Variants in MST1 observed in about 807,000 individuals in gnomAD.
MST1 encodes the protein macrophage stimulating 1, also known as hepatocyte growth factor-like protein.
Under a neutral mutation model 100.1 loss-of-function variants are expected in MST1, and 76 were observed. That is an observed-to-expected ratio of 0.76 (90% CI 0.63 to 0.92). The LOEUF is 0.92. MST1 is among the 40% of genes least tolerant of loss of function. The pLI is 0.00. For missense variants in MST1, 850 were observed against 990.0 expected (o/e 0.86, Z 1.90); for synonymous variants, 352 against 385.4 (o/e 0.91, Z 1.01).
In MST1 at chr3:49,684,809, T is replaced by C; in HGVS notation, c.1698A>G (p.Leu566=). Residue 566 remains leucine (L), a synonymous_variant, in exon 15 of 18, where the codon CTA becomes CTG. Coordinates refer to ENST00000449682, the MANE Select transcript of MST1 (RefSeq NM_020998.4). ...CCATCTTGGCTACTGGGACCCGCTG[T>C]AGGCTTGGCTCTCCATGCTGTGGGT... ...FQNPQHGEPS[L]QRVPVAKMVC... is the part of the protein sequence containing the mutation. 6.2e-7 allele frequency: 1 copy of C among 1,613,498 alleles called. No homozygotes were observed. Among genetic ancestry groups the C allele is most frequent in the Non-Finnish European group, 8.5e-7 (1 of 1,179,870 alleles).
Position 49,685,937 on chromosome 3 carries a change from C to G in MST1, c.1173G>C (p.Gln391His), listed in dbSNP as rs1192066012. 1.2e-6 allele frequency: 2 copies of G among 1,609,794 alleles called. No individual in the cohort carries two copies. Among genetic ancestry groups the G allele is most frequent in the Non-Finnish European group, 1.7e-6 (2 of 1,179,348 alleles). Residue 391 changes from glutamine to histidine, a missense_variant, in exon 10 of 18, where the codon CAG becomes CAC. Gln to His is a conservative substitution (Grantham distance 24). Coordinates refer to ENST00000449682, the MANE Select transcript of MST1 (RefSeq NM_020998.4). ...PQDCYHGAGE[Q>H]YRGTVSKTRK... Reference sequence around the variant, plus strand: ...GGGTCTTGCTGACCGTGCCGCGGTACTGCTCCCCTGCGCCGTGGTAGCAGT... The same window carrying G: ...GGGTCTTGCTGACCGTGCCGCGGTAGTGCTCCCCTGCGCCGTGGTAGCAGT...
In MST1 at chr3:49,684,174, G is replaced by A. The variant is rs143118019; in HGVS notation, c.2032C>T (p.Pro678Ser). 6.2e-7 allele frequency: 1 copy of A among 1,612,602 alleles called. No homozygotes were observed. Among genetic ancestry groups the A allele is most frequent in the African/African-American group, 1.3e-5 (1 of 74,890 alleles). The part of the protein sequence containing the change: ...VGACEGDYGG[P>S]LACFTHNCWV... ...CAGTTGTGGGTAAAGCAGGCAAGTGGGCCCCCGTAGTCACCCTGGCAGGTA... is the reference window on the plus strand; with the variant it reads ...CAGTTGTGGGTAAAGCAGGCAAGTGAGCCCCCGTAGTCACCCTGGCAGGTA... The change falls in exon 18 of 18, where the codon CCA becomes TCA. Residue 678 changes from proline to serine, a missense_variant. Transcript: ENST00000449682.
intron 10 of MST1, 33 bp from the exon 11 acceptor site, chr3:49,685,765 G>A (rs766265616): frequency 2.5e-6 from 4 of 1,612,876 alleles, no homozygotes; most frequent in African/African-American, 1.3e-5. Flanking sequence ...TCGTGGCAGG[G>A]TAGTCTCAAC....
Position 49,687,280 on chromosome 3 carries a change from G to A in MST1, c.476C>T (p.Thr159Met), listed in dbSNP as rs41291708. The A allele has an allele frequency of 1.3e-5, 21 of 1,613,432 alleles. No individual in the cohort carries two copies. Among genetic ancestry groups the A allele is most frequent in the Non-Finnish European group, 1.6e-5 (19 of 1,179,884 alleles). Residue 159 changes from threonine to methionine, a missense_variant, in exon 5 of 18, where the codon ACG becomes ATG. By Grantham distance (81) the Thr-to-Met change is moderately conservative. Around this residue, in one of 2 missense-constraint regions of MST1, gnomAD observed 816 missense variants for 924.6 expected, o/e 0.88. Transcript: ENST00000449682. ...TTCCAGGCCATTCCGGAGAGTGGGC[G>A]TGTACCTGAGGGCCCAGAGCATCAC... Reference protein sequence around the residue: ...SHKFPNDHKYTPTLRNGLEEN... With the variant: ...SHKFPNDHKYMPTLRNGLEEN...
rs1253363769 is a variant in MST1, at chr3:49,684,533, G to A, written c.1876+17C>T. 6.2e-7 allele frequency: 1 copy of A among 1,613,542 alleles called. No individual in the cohort carries two copies. Among genetic ancestry groups the A allele is most frequent in the African/African-American group, 1.3e-5 (1 of 74,934 alleles). Reference sequence around the variant, plus strand: ...GGGCCTCCTGGCCACCAGCAGTCCTGTGCACTGTGCTCTTACCTTTGGTCT... The same window carrying A: ...GGGCCTCCTGGCCACCAGCAGTCCTATGCACTGTGCTCTTACCTTTGGTCT... On this transcript the variant is annotated intron_variant, in intron 16 of 17. Coordinates refer to ENST00000449682, the MANE Select transcript of MST1 (RefSeq NM_020998.4).
rs370292979 is a variant in MST1 at position 49,688,693 on chromosome 3, C to T, written c.-2G>A. 1.1e-5 allele frequency: 17 copies of T among 1,599,646 alleles called. No individual in the cohort carries two copies. The highest frequency in any genetic ancestry group is 1.7e-4 in the Middle Eastern group (1 of 5,824). ...CACTGTGACCCACCACAGCCCCATC[C>T]GGGAAGTTGTGAAACCTGTCCCTAC... On this transcript the variant is annotated 5_prime_UTR_variant, in exon 1 of 18. Transcript: ENST00000449682.
intron 9 of MST1, 24 bp from the exon 10 acceptor site, chr3:49,685,986 C>CAGGCCG (rs1312043038): frequency 5.6e-6 from 9 of 1,603,694 alleles, no homozygotes; most frequent in Middle Eastern, 2.2e-4. Context: ...GGGCAGCCAT[C>CAGGCCG]AGGCCGAGAC....
At chr3:49,688,018 T>A (rs1346101839) in intron 1 of MST1, 121 bp from the exon 2 acceptor site, 4 of 1,386,306 alleles carry the variant, frequency 2.9e-6, no homozygotes, top group Non-Finnish European at 2.9e-6. Flanking sequence ...GGATGGACCC[T>A]GTATGCACTT....
In MST1 at chr3:49,688,841, G is replaced by A; in HGVS notation, c.-150C>T. On this transcript the variant is annotated 5_prime_UTR_variant, in exon 1 of 18. Transcript: ENST00000449682. The stretch of plus-strand genomic sequence containing the variant: ...CCCATAGGTCAGTTGCAAGGGCCTA[G>A]TACAGCTTAGTGGACAGGTGTTAGG... The A allele has an allele frequency of 3.4e-6, 2 of 592,662 alleles. No homozygotes were observed. The highest frequency in any genetic ancestry group is 6.1e-6 in the Non-Finnish European group (2 of 330,238). The allele number at this position is 592,662 out of a possible 1,614,324, so 36.7% of individuals were successfully genotyped here. A position where few individuals can be genotyped will look rare whatever the true frequency, so the allele number is the denominator to read the frequency against.
At chr3:49,687,515 G>A (rs2053877384) in intron 3 of MST1, 37 bp from the exon 4 acceptor site, 20 of 1,613,416 alleles carry the variant, frequency 1.2e-5, no homozygotes, top group Non-Finnish European at 1.5e-5. Flanking sequence ...TTGGGCTGAG[G>A]TCCCCTGTCT....
In MST1 at chr3:49,685,687, G is replaced by A. The variant is rs1346263688; in HGVS notation, c.1296C>T (p.Phe432=). 1.9e-6 allele frequency: 3 copies of A among 1,613,466 alleles called. No homozygotes were observed. Among genetic ancestry groups the A allele is most frequent in the Non-Finnish European group, 2.5e-6 (3 of 1,179,858 alleles). The part of the protein sequence containing the change: ...SEPHAQLEEN[F]CRNPDGDSHG... ...GGCTATCCCCATCTGGGTTCCGGCAGAAGTTCTCCTCCAGTTGTGCATGCG... is the reference window on the plus strand; with the variant it reads ...GGCTATCCCCATCTGGGTTCCGGCAAAAGTTCTCCTCCAGTTGTGCATGCG... The change falls in exon 11 of 18, where the codon TTC becomes TTT. Residue 432 remains phenylalanine (F), a synonymous_variant. Coordinates refer to ENST00000449682, the MANE Select transcript of MST1 (RefSeq NM_020998.4).
rs138629762 is a variant in MST1, at chr3:49,684,376, C to G, written c.1954G>C (p.Gly652Arg). The change falls in exon 17 of 18, where the codon GGA becomes CGA. Residue 652 changes from glycine to arginine, a missense_variant. Gly to Arg is a moderately radical substitution (Grantham distance 125). Transcript: ENST00000449682. ...CACATCTCACTCTCCCGCACACGTC[C>G]TCGGTGCTTGATGTTACACTCCTGG... ...SNQECNIKHRGRVRESEMCTE... is the reference protein window; with the variant it reads ...SNQECNIKHRRRVRESEMCTE... 1.2e-6 allele frequency: 2 copies of G among 1,613,218 alleles called. No individual in the cohort carries two copies. The highest frequency in any genetic ancestry group is 2.7e-5 in the African/African-American group (2 of 74,924).
Position 49,686,093 on chromosome 3 carries a change from G to A in MST1, c.1116C>T (p.Ile372=), listed in dbSNP as rs200428217. ...PGMRAAFCYQ[I]RRCTDDVRPQ... ...GCCGCACGTCGTCTGTACAACGCCG[G>A]ATCTGGTAGCAAAAGGCCGCGCGCA... The change falls in exon 9 of 18, where the codon ATC becomes ATT. Residue 372 remains isoleucine, a synonymous_variant. Coordinates refer to ENST00000449682, the MANE Select transcript of MST1 (RefSeq NM_020998.4). The A allele has an allele frequency of 6.2e-7, 1 of 1,610,416 alleles. No homozygotes were observed. Among genetic ancestry groups the A allele is most frequent in the African/African-American group, 1.3e-5 (1 of 74,752 alleles).
rs1409390985 is a variant in MST1, at chr3:49,684,116, C to T, written c.2090G>A (p.Arg697Gln). The change falls in exon 18 of 18, where the codon CGA becomes CAA. Residue 697 changes from arginine to glutamine, a missense_variant. Arg to Gln is a conservative substitution (Grantham distance 43, BLOSUM62 1). Transcript: ENST00000449682. ...TGGCCAGCGGGACCTTGCGCATACTCGGTTGGGGATTATAATTCCTTCCAG... is the reference window on the plus strand; with the variant it reads ...TGGCCAGCGGGACCTTGCGCATACTTGGTTGGGGATTATAATTCCTTCCAG... Reference protein sequence around the residue: ...WVLEGIIIPNRVCARSRWPAV... With the variant: ...WVLEGIIIPNQVCARSRWPAV... 22 of 1,613,530 alleles carry T rather than the reference C, an allele frequency of 1.4e-5. No individual in the cohort carries two copies. The East Asian group carries it at 2.7e-4, about 20-fold the overall frequency.
At position 49,688,918 on chromosome 3, in the gene MST1, T is replaced by TG. The variant is rs1268415101; in HGVS notation, c.-228dup. 2.3e-6 allele frequency: 1 copy of TG among 427,574 alleles called. No individual in the cohort carries two copies. Among genetic ancestry groups the TG allele is most frequent in the Non-Finnish European group, 4.3e-6 (1 of 233,048 alleles). The allele number at this position is 427,574 out of a possible 1,614,324, so 26.5% of individuals were successfully genotyped here. The stretch of plus-strand genomic sequence containing the variant: ...CCCTGGGGTTGGGGTGAAACCCCTC[T>TG]GCAGCCTAGTCAGCCCAAGGGCATT... On this transcript the variant is annotated 5_prime_UTR_variant, in exon 1 of 18. Transcript: ENST00000449682.
At position 49,687,149 on chromosome 3, in the gene MST1, C is replaced by G. The variant is rs779406343; in HGVS notation, c.607G>C (p.Ala203Pro). Residue 203 changes from alanine to proline, a missense_variant and splice_region_variant, in exon 5 of 18, where the codon GCC becomes CCC. Around this residue, in one of 2 missense-constraint regions of MST1, gnomAD observed 816 missense variants for 924.6 expected, o/e 0.88. Transcript: ENST00000449682. Reference sequence around the variant, plus strand: ...CCCAGCTTGACCCGGCGCCGCTTACCCTCCCGGCAGGATTTGATGCCGCAG... The same window carrying G: ...CCCAGCTTGACCCGGCGCCGCTTACGCTCCCGGCAGGATTTGATGCCGCAG... ...QSCGIKSCREAACVWCNGEEY... is the reference protein window; with the variant it reads ...QSCGIKSCREPACVWCNGEEY... 1.4e-5 allele frequency: 23 copies of G among 1,613,142 alleles called. No homozygotes were observed. The African/African-American group carries it at 2.7e-4, about 19-fold the overall frequency.
rs567957911 is a variant in MST1 at position 49,685,605 on chromosome 3, G to A, written c.1378C>T (p.Arg460Ter). Residue 460 changes from arginine (R) to a stop codon, truncating the protein, a stop_gained, in exon 11 of 18, where the codon CGA (arginine) becomes TGA (stop). Transcript: ENST00000449682. LOFTEE classifies it high-confidence loss of function. ...CGTCACTAGTGCTCACCGCAGCGTC[G>A]CAGGGCACAGTAGTCGAATGGGGTC... ...PRTPFDYCAL[R>*]RCADDQPPSI... 11 of 1,613,342 alleles carry A rather than the reference G, an allele frequency of 6.8e-6. No homozygotes were observed. The highest frequency in any genetic ancestry group is 4.4e-5 in the South Asian group (4 of 91,078).
Position 49,684,400 on chromosome 3 carries a change from G to A in MST1, c.1930C>T (p.Gln644Ter), listed in dbSNP as rs776048263. Residue 644 changes from glutamine (Q) to a stop codon, truncating the protein, a stop_gained, in exon 17 of 18, where the codon CAG becomes TAG. Coordinates refer to ENST00000449682, the MANE Select transcript of MST1 (RefSeq NM_020998.4). LOFTEE classifies it high-confidence loss of function. The part of the protein sequence containing the change: ...NVALLNVISN[Q>*]ECNIKHRGRV... ...CCTCGGTGCTTGATGTTACACTCCT[G>A]GTTGGAGATGACATTCAGCAAGGCC... The A allele has an allele frequency of 1.9e-6, 3 of 1,613,400 alleles. No individual in the cohort carries two copies. In the Admixed American group the frequency reaches 5.0e-5, roughly 27 times the overall value.
chr3:49,684,737 C>G lies in MST1; in HGVS notation c.1769+1G>C. The G allele has an allele frequency of 6.2e-7, 1 of 1,613,328 alleles. No homozygotes were observed. Among genetic ancestry groups the G allele is most frequent in the Non-Finnish European group, 8.5e-7 (1 of 1,179,734 alleles). ...CACACCCTCCCAGGTTGTCCACATA[C>G]CTCTCCAGCTTGAGCAGGACAAGCT... On this transcript the variant is annotated splice_donor_variant, in intron 15 of 17. Transcript: ENST00000449682. LOFTEE classifies it high-confidence loss of function.
Sources: gnomAD v4.1 joint callset for allele counts on GRCh38, gnomAD v4.1.1 for gene constraint, gnomAD v4.1.1 regional missense constraint, MANE v1.5 for transcripts, NCBI Gene and HGNC (gene_info 2026-07-23, HGNC 2026-07-21) for gene names.